STPG2: variants seen among roughly 807,000 people sequenced by gnomAD.
The protein encoded by STPG2 is sperm tail PG-rich repeat containing 2.
STPG2 carries 56 observed loss-of-function variants against 54.2 expected under a neutral mutation model. The ratio of observed to expected loss-of-function variants is 1.03; its 90% CI spans 0.83 to 1.29. The LOEUF (loss-of-function observed/expected upper bound fraction) is 1.29, where lower values mean the gene tolerates loss of function less well. STPG2 is among the 50% of genes most tolerant of loss of function. The probability of loss-of-function intolerance (pLI) is 0.00; values close to 1 mark genes in which losing one functional copy is unlikely to be tolerated. For synonymous variants in STPG2, 200 were observed against 181.8 expected (o/e 1.10, Z -0.81); for missense variants, 596 against 544.9 (o/e 1.09, Z -0.93).
intron 9 of STPG2, among the ~76,000 whole-genome samples, chr4:97,839,967 G>T (rs1051181365): frequency 5.9e-5 from 9 of 151,420 alleles, no homozygotes; most frequent in Non-Finnish European, 1.0e-4. Context: ...GAAAATGATT[G>T]TTCCTGTTCT....
chr4:97,694,159 A>G (rs2148991528), intron 10 of STPG2, among the ~76,000 whole-genome samples: 1 of 152,294 alleles, frequency 6.6e-6, no homozygotes, highest in African/African-American at 2.4e-5. Flanking sequence ...CGAAAAAACA[A>G]AATTAGAGCA....
At chr4:97,863,382 C>G (rs1408164361) in intron 8 of STPG2, among the ~76,000 whole-genome samples, 1 of 151,058 alleles carries the variant, frequency 6.6e-6, no homozygotes, top group Non-Finnish European at 1.5e-5. Context: ...ATACACCCTC[C>G]CAAGACTAAG....
In STPG2 at chr4:97,442,757, C is replaced by A. The variant is rs116304602; in HGVS notation, c.463-254924G>T. On this transcript the variant is annotated intron_variant, in intron 4 of 4. Transcript: ENST00000522676. ...AAAAATAGTTAAATAATGAAACATA[C>A]AACCATAACATATTCTTAGTTTCTA... is the stretch of plus-strand genomic sequence containing the variant. 2.9e-3 allele frequency among the ~76,000 whole-genome samples: 449 copies of A among 152,228 alleles called. 1 individual carries two copies. The highest frequency in any genetic ancestry group is 0.01 in the African/African-American group (421 of 41,562).
intron 8 of STPG2, among the ~76,000 whole-genome samples, chr4:97,853,017 C>T (rs1467788079): frequency 1.5e-5 from 2 of 133,562 alleles, no homozygotes; most frequent in Non-Finnish European, 3.1e-5. Context: ...CACTCTGTCA[C>T]CCAGGCTAGA....
chr4:97,853,552 T>C (rs1729237096), intron 8 of STPG2, among the ~76,000 whole-genome samples: 1 of 152,150 alleles, frequency 6.6e-6, no homozygotes. Context: ...AAAAAAAGAA[T>C]AAAACATTCA....
In STPG2 at chr4:97,653,082, T is replaced by A. The variant is rs1259740000; in HGVS notation, c.1320+59617A>T. Among the ~76,000 whole-genome samples the A allele has an allele frequency of 4.0e-5, 6 of 148,234 alleles. No homozygotes were observed. In the East Asian group the frequency reaches 1.2e-3, roughly 29 times the overall value. On this transcript the variant is annotated intron_variant, in intron 10 of 10. Coordinates refer to ENST00000295268, the MANE Select transcript of STPG2 (RefSeq NM_174952.3). ...TTAGCAAAGTGATTAGGTAGATAGA[T>A]GATTGATAGATGATAGATAGATAGA...
intron 9 of STPG2, among the ~76,000 whole-genome samples, chr4:97,778,135 G>A (rs185491537): frequency 4.9e-4 from 75 of 152,248 alleles, no homozygotes; most frequent in Admixed American, 7.9e-4. Context: ...CCTGGGAAGC[G>A]CAAGGGGTCA....
intron 9 of STPG2, among the ~76,000 whole-genome samples, chr4:97,795,180 C>T (rs1560530962): frequency 6.6e-6 from 1 of 151,918 alleles, no homozygotes; most frequent in Non-Finnish European, 1.5e-5. Context: ...TGTGTTTCTA[C>T]TTTTTTTATT....
rs566014850 is a variant in STPG2, at chr4:97,958,730, C to A, written c.933+13550G>T. Among the ~76,000 whole-genome samples the A allele has an allele frequency of 2.0e-5, 3 of 152,276 alleles. No individual in the cohort carries two copies. In the East Asian group the frequency reaches 5.8e-4, roughly 29 times the overall value. On this transcript the variant is annotated intron_variant, in intron 7 of 10. Transcript: ENST00000295268. ...AGCTCCCAAATTTATAAAACAATTA[C>A]TACTAGACGTAAGAAATGAGATAGA...
At chr4:97,654,169 G>A (rs888670385) in intron 10 of STPG2, among the ~76,000 whole-genome samples, 31 of 152,132 alleles carry the variant, frequency 2.0e-4, no homozygotes, top group Non-Finnish European at 3.4e-4. Context: ...CCAGACAAAT[G>A]GAAGGTATCT....
intron 8 of STPG2, among the ~76,000 whole-genome samples, chr4:97,856,027 G>T (rs1729323365): frequency 1.3e-5 from 2 of 151,898 alleles, no homozygotes. Flanking sequence ...TCATCTGTGT[G>T]TCCATTTTTT....
intron 10 of STPG2, among the ~76,000 whole-genome samples, chr4:97,710,878 C>T (rs918019031): frequency 6.6e-6 from 1 of 151,918 alleles, no homozygotes; most frequent in African/African-American, 2.4e-5. Context: ...AGAAAAGCTA[C>T]CTTGAAGTTC....
intron 5 of STPG2, among the ~76,000 whole-genome samples, chr4:98,056,791 T>G (rs906956921): frequency 6.6e-6 from 1 of 152,030 alleles, no homozygotes; most frequent in Non-Finnish European, 1.5e-5. Flanking sequence ...CTCATGATAG[T>G]GTGTAGGTTC....
chr4:98,006,702 C>T (rs991020191), intron 5 of STPG2, among the ~76,000 whole-genome samples: 2 of 152,148 alleles, frequency 1.3e-5, no homozygotes, highest in African/African-American at 4.8e-5. Flanking sequence ...CTGACAAGCT[C>T]TGATTTTACC....
intron 5 of STPG2, among the ~76,000 whole-genome samples, chr4:97,999,830 G>C (rs2149274881): frequency 6.6e-6 from 1 of 152,330 alleles, no homozygotes; most frequent in South Asian, 2.1e-4. Context: ...CTGGAGCTCA[G>C]TGGAGAGGTC....
intron 5 of STPG2, among the ~76,000 whole-genome samples, chr4:98,088,289 A>G (rs1268980631): frequency 6.6e-6 from 1 of 152,132 alleles, no homozygotes; most frequent in Admixed American, 6.5e-5. Context: ...AGCCTATCTC[A>G]CTCAATATAG....
intron 5 of STPG2, among the ~76,000 whole-genome samples, chr4:98,000,479 T>C (rs1029010930): frequency 6.6e-6 from 1 of 152,100 alleles, no homozygotes; most frequent in African/African-American, 2.4e-5. Context: ...AACCTCATGA[T>C]TGATTGAATA....
chr4:97,722,052 C>T (rs1724465361), intron 9 of STPG2, among the ~76,000 whole-genome samples: 1 of 146,740 alleles, frequency 6.8e-6, no homozygotes, highest in South Asian at 2.1e-4. Context: ...CACAATGTCC[C>T]CCTCCCCTCC....
At chr4:97,612,419 T>C (rs1053057224) in intron 10 of STPG2, among the ~76,000 whole-genome samples, 32 of 152,058 alleles carry the variant, frequency 2.1e-4, no homozygotes, top group Non-Finnish European at 4.6e-4. Flanking sequence ...GCAATGTATG[T>C]AAATTACACT....
Sources: gnomAD v4.1 joint callset for allele counts (sites outside exome capture counted in the v4.1 genomes callset) on GRCh38, gnomAD v4.1.1 for gene constraint, MANE v1.5 for transcripts, NCBI Gene and HGNC (gene_info 2026-07-23, HGNC 2026-07-21) for gene names.